Variants in GABRB3 observed in about 807,000 individuals in gnomAD.
The protein encoded by GABRB3 is gamma-aminobutyric acid receptor subunit beta-3.
Under a neutral mutation model 52.1 loss-of-function variants are expected in GABRB3, and 14 were observed. The ratio of observed to expected loss-of-function variants is 0.27; its 90% confidence interval spans 0.18 to 0.42. The LOEUF is 0.42. Among genes scored for constraint, GABRB3 ranks in the 10% least tolerant of loss-of-function variants. GABRB3 has a pLI of 1.00. For missense variants in GABRB3, 307 were observed against 609.1 expected, an observed-to-expected ratio of 0.50 and a Z score of 5.22; for synonymous variants, 260 against 232.3, an observed-to-expected ratio of 1.12 and a Z score of -1.08.
intron 3 of GABRB3, among the ~76,000 whole-genome samples, chr15:26,635,022 T>TATATA (rs1275026284): frequency 7.5e-6 from 1 of 132,792 alleles, no homozygotes; most frequent in Non-Finnish European, 1.6e-5. Flanking sequence ...TATATATATA[T>TATATA]TTAGAGAGGA....
intron 3 of GABRB3, among the ~76,000 whole-genome samples, chr15:26,694,111 T>G (rs926826215): frequency 2.6e-5 from 4 of 152,076 alleles, no homozygotes; most frequent in Middle Eastern, 3.2e-3. Flanking sequence ...AATTAAAAAA[T>G]TTTTATAAAA....
intron 3 of GABRB3, among the ~76,000 whole-genome samples, chr15:26,758,160 A>C (rs567676626): frequency 1.2e-3 from 175 of 151,644 alleles, no homozygotes; most frequent in Non-Finnish European, 2.2e-3. Flanking sequence ...AAAATAGTTT[A>C]GTAATATGTA....
At chr15:26,597,372 T>A (rs1891431455) in intron 4 of GABRB3, among the ~76,000 whole-genome samples, 1 of 152,320 alleles carries the variant, frequency 6.6e-6, no homozygotes, top group Admixed American at 6.5e-5. Context: ...TACACACATC[T>A]TGAAGGAAGA....
chr15:26,668,028 C>T (rs1468475084), intron 3 of GABRB3, among the ~76,000 whole-genome samples: 1 of 152,080 alleles, frequency 6.6e-6, no homozygotes, highest in Non-Finnish European at 1.5e-5. Flanking sequence ...TGCGTAACAC[C>T]CTGCGTAACA....
chr15:26,730,284 A>G (rs965155802), intron 3 of GABRB3, among the ~76,000 whole-genome samples: 10 of 152,066 alleles, frequency 6.6e-5, no homozygotes, highest in African/African-American at 9.7e-5. Flanking sequence ...CGGGCGTGGT[A>G]GCGGGCGCCT....
intron 3 of GABRB3, among the ~76,000 whole-genome samples, chr15:26,689,664 T>C (rs1487795765): frequency 1.3e-5 from 2 of 152,026 alleles, no homozygotes; most frequent in South Asian, 2.1e-4. Context: ...CCCCTCACTG[T>C]GCATCCATGT....
intron 3 of GABRB3, among the ~76,000 whole-genome samples, chr15:26,667,086 G>A (rs1044246742): frequency 1.4e-4 from 21 of 152,296 alleles, no homozygotes; most frequent in African/African-American, 3.1e-4. Context: ...AGAGCACACC[G>A]CTCCATAATA....
intron 3 of GABRB3, among the ~76,000 whole-genome samples, chr15:26,699,800 T>C (rs1888868016): frequency 6.6e-6 from 1 of 151,994 alleles, no homozygotes; most frequent in South Asian, 2.1e-4. Flanking sequence ...AGTGAGATTT[T>C]TGAATTGAAT....
chr15:26,734,489 ACAC>A (rs1890015628), intron 3 of GABRB3, among the ~76,000 whole-genome samples: 1 of 152,090 alleles, frequency 6.6e-6, no homozygotes, highest in Admixed American at 6.6e-5. Flanking sequence ...ATGTCAGAAA[ACAC>A]TATCTGGCTG....
intron 3 of GABRB3, among the ~76,000 whole-genome samples, chr15:26,655,757 A>C (rs921725106): frequency 2.0e-5 from 3 of 150,644 alleles, no homozygotes; most frequent in Non-Finnish European, 3.0e-5. Flanking sequence ...AAAAAAAAAA[A>C]CCCTCGGTTT....
At chr15:26,651,309 A>G (rs1487030829) in intron 3 of GABRB3, among the ~76,000 whole-genome samples, 1 of 152,252 alleles carries the variant, frequency 6.6e-6, no homozygotes, top group Admixed American at 6.5e-5. Flanking sequence ...GGTTGAGCAC[A>G]TGGACTGAAT....
intron 3 of GABRB3, among the ~76,000 whole-genome samples, chr15:26,652,157 A>G (rs1887217642): frequency 6.6e-6 from 1 of 152,218 alleles, no homozygotes; most frequent in South Asian, 2.1e-4. Flanking sequence ...TCTTTAGATA[A>G]TAGCTTAACT....
intron 7 of GABRB3, among the ~76,000 whole-genome samples, chr15:26,561,912 A>G (rs772366196): frequency 2.6e-5 from 4 of 152,206 alleles, no homozygotes; most frequent in Non-Finnish European, 4.4e-5. Flanking sequence ...ATCTTATAGA[A>G]TCCCACCATA....
At chr15:26,695,417 A>C (rs531315641) in intron 3 of GABRB3, among the ~76,000 whole-genome samples, 1 of 123,586 alleles carries the variant, frequency 8.1e-6, no homozygotes, top group African/African-American at 2.5e-5. Flanking sequence ...TTTCTTTCAG[A>C]AACCATGAAA....
chr15:26,635,024 T>G (rs1312453292), intron 3 of GABRB3, among the ~76,000 whole-genome samples: 1,521 of 135,586 alleles, frequency 0.011, 59 homozygotes, highest in Middle Eastern at 0.016. Flanking sequence ...TATATATATT[T>G]AGAGAGGAAG....
At chr15:26,616,198 G>A (rs1409015374) in intron 4 of GABRB3, 4 of 638,462 alleles carry the variant, frequency 6.3e-6, no homozygotes, top group Non-Finnish European at 9.9e-6. Context: ...GGAGAGGATG[G>A]AGGGTGGCTG....
At chr15:26,554,708 A>G (rs1033695317) in intron 8 of GABRB3, among the ~76,000 whole-genome samples, 2 of 152,218 alleles carry the variant, frequency 1.3e-5, no homozygotes, top group African/African-American at 4.8e-5. Flanking sequence ...TGGAAGATGC[A>G]GAGAGTCAGA....
chr15:26,630,421 C>T (rs910612392), intron 3 of GABRB3, among the ~76,000 whole-genome samples: 3 of 152,316 alleles, frequency 2.0e-5, no homozygotes, highest in Admixed American at 2.0e-4. Context: ...GGAGTATGCT[C>T]TCTGGAGCAT....
At position 26,678,172 on chromosome 15, in the gene GABRB3, C is replaced by T. The variant is rs1031438712; in HGVS notation, c.241-56638G>A. ...TTGAGACATCTTCATAAGACCCACTCAATCCTTGGTGATTTTTATCTTCAC... is the reference window on the plus strand; with the variant it reads ...TTGAGACATCTTCATAAGACCCACTTAATCCTTGGTGATTTTTATCTTCAC... On this transcript the variant is annotated intron_variant, in intron 3 of 8. Transcript: ENST00000311550. Among the ~76,000 whole-genome samples the T allele has an allele frequency of 5.3e-5, 8 of 152,326 alleles. No homozygotes were observed. The South Asian group carries it at 1.2e-3, about 24-fold the overall frequency.
Sources: allele counts gnomAD v4.1 joint callset (sites outside exome capture counted in the v4.1 genomes callset), GRCh38; gene constraint gnomAD v4.1.1; transcripts MANE v1.5; gene names NCBI Gene and HGNC (gene_info 2026-07-23, HGNC 2026-07-21).